The following ASTN2 variants were observed in gnomAD, a reference collection of about 807,000 sequenced individuals.
ASTN2 encodes the protein astrotactin-2.
Under a neutral mutation model 139.8 loss-of-function variants are expected in ASTN2, and 54 were observed. The observed-to-expected ratio is 0.39, with a 90% CI of 0.31 to 0.48. ASTN2 has a LOEUF of 0.48. ASTN2 is among the 20% of genes least tolerant of loss of function. The pLI is 0.95. For synonymous variants in ASTN2, 756 were observed against 719.5 expected (o/e 1.05, Z -0.81); for missense variants, 1,565 against 1,725.1 (o/e 0.91, Z 1.64).
At chr9:117,379,529 C>G (rs1255068380) in intron 1 of ASTN2, among the ~76,000 whole-genome samples, 1 of 152,150 alleles carries the variant, frequency 6.6e-6, no homozygotes, top group Non-Finnish European at 1.5e-5. Context: ...CTTCGAAGGC[C>G]TCCATTAGCA....
At chr9:116,737,967 C>T (rs996133511) in intron 13 of ASTN2, among the ~76,000 whole-genome samples, 2 of 147,322 alleles carry the variant, frequency 1.4e-5, no homozygotes, top group Admixed American at 6.7e-5. Flanking sequence ...CCGAGGCGGG[C>T]GGATCACGAG....
At chr9:116,820,805 G>A (rs1371707081) in intron 11 of ASTN2, 22 bp from the exon 12 acceptor site, 2 of 1,599,804 alleles carry the variant, frequency 1.3e-6, no homozygotes, top group Non-Finnish European at 1.7e-6. Context: ...GAGGGCAACA[G>A]GGTAGTTATG....
rs140623403 is a variant in ASTN2 at position 116,719,919 on chromosome 9, C to T, written c.2806+5852G>A. 1.1e-4 allele frequency among the ~76,000 whole-genome samples: 17 copies of T among 152,202 alleles called. No homozygotes were observed. In the East Asian group the frequency reaches 1.2e-3, roughly 10 times the overall value. ...AGCAAGATGGAACCCGAAAACTGTC[C>T]GCAGGATATTGAATCACTGAGGAAG... is the stretch of plus-strand genomic sequence containing the variant. On this transcript the variant is annotated intron_variant, in intron 16 of 22. Transcript: ENST00000313400.
At chr9:116,740,642 A>G (rs1018309890) in intron 13 of ASTN2, among the ~76,000 whole-genome samples, 3 of 151,540 alleles carry the variant, frequency 2.0e-5, no homozygotes, top group Non-Finnish European at 4.4e-5. Context: ...CCTCCCGAGT[A>G]GCTGGGACTA....
At chr9:116,559,091 C>A (rs1472572216) in intron 19 of ASTN2, among the ~76,000 whole-genome samples, 1 of 152,136 alleles carries the variant, frequency 6.6e-6, no homozygotes, top group Non-Finnish European at 1.5e-5. Context: ...CCTTGCCAGG[C>A]AATGACAAAG....
intron 1 of ASTN2, among the ~76,000 whole-genome samples, chr9:117,329,263 T>TC: frequency 6.7e-6 from 1 of 150,130 alleles, no homozygotes; most frequent in East Asian, 1.9e-4. Context: ...TGAAACAAGA[T>TC]TTTTTTTGAA....
chr9:116,650,950 C>CT (rs34763480), intron 17 of ASTN2, among the ~76,000 whole-genome samples: 6,391 of 150,518 alleles, frequency 0.042, 487 homozygotes, highest in African/African-American at 0.15. Context: ...AAGTCTCACT[C>CT]TGTTACCCAG....
At chr9:116,521,930 T>C (rs11999663) in intron 19 of ASTN2, among the ~76,000 whole-genome samples, 25,475 of 152,030 alleles carry the variant, frequency 0.17, 2,394 homozygotes, top group African/African-American at 0.24. Context: ...CATCACTAAC[T>C]ATCAGAAAAA....
intron 11 of ASTN2, 55 bp downstream of exon 11, chr9:116,863,528 C>T (rs1473404733): frequency 8.2e-6 from 13 of 1,587,504 alleles, no homozygotes; most frequent in Non-Finnish European, 1.0e-5. Context: ...GGGCTTCTAG[C>T]AGGTGGCCTT....
At chr9:117,109,979 A>C (rs1287833376) in intron 4 of ASTN2, among the ~76,000 whole-genome samples, 1 of 151,910 alleles carries the variant, frequency 6.6e-6, no homozygotes, top group Non-Finnish European at 1.5e-5. Context: ...TCAGAATTTT[A>C]TTTTTCAGAA....
chr9:117,009,287 C>T (rs1837445652), intron 6 of ASTN2, among the ~76,000 whole-genome samples: 1 of 152,012 alleles, frequency 6.6e-6, no homozygotes, highest in Non-Finnish European at 1.5e-5. Flanking sequence ...TTCCTTATCC[C>T]ACATATATGT....
At chr9:117,185,877 T>C (rs756803360) in intron 3 of ASTN2, among the ~76,000 whole-genome samples, 1 of 152,190 alleles carries the variant, frequency 6.6e-6, no homozygotes, top group African/African-American at 2.4e-5. Flanking sequence ...GCAGAATCAA[T>C]GAGCCAATTG....
intron 2 of ASTN2, among the ~76,000 whole-genome samples, chr9:117,270,383 T>C (rs191774388): frequency 3.3e-5 from 5 of 152,200 alleles, no homozygotes; most frequent in African/African-American, 1.2e-4. Context: ...ACTCCACTGG[T>C]TGATGTTATG....
chr9:116,608,003 T>C (rs1855304383), intron 19 of ASTN2, among the ~76,000 whole-genome samples: 1 of 152,004 alleles, frequency 6.6e-6, no homozygotes, highest in Non-Finnish European at 1.5e-5. Context: ...TGTCAGCAAC[T>C]GGAAATTAGG....
intron 10 of ASTN2, among the ~76,000 whole-genome samples, chr9:116,932,786 A>T (rs557885102): frequency 2.4e-4 from 37 of 152,170 alleles, no homozygotes; most frequent in African/African-American, 8.9e-4. Flanking sequence ...CGGGTGGATC[A>T]CTTGAGGTAA....
At position 116,502,306 on chromosome 9, in the gene ASTN2, G is replaced by A. The variant is rs76577850; in HGVS notation, c.3356-14806C>T. 3.6e-4 allele frequency among the ~76,000 whole-genome samples: 55 copies of A among 151,282 alleles called. 1 individual carries two copies. Among genetic ancestry groups the A allele is most frequent in the African/African-American group, 1.3e-3 (54 of 41,252 alleles). On this transcript the variant is annotated intron_variant, in intron 19 of 22. Coordinates refer to ENST00000313400, the MANE Select transcript of ASTN2 (RefSeq NM_001365068.1). ...GAGACACACAACACACAGACACAAA[G>A]ACACACACTCACACACAGAGAGAGG...
intron 11 of ASTN2, among the ~76,000 whole-genome samples, chr9:116,856,950 C>T (rs895626376): frequency 3.9e-5 from 6 of 152,206 alleles, no homozygotes; most frequent in Non-Finnish European, 8.8e-5. Flanking sequence ...CCTTCCACTT[C>T]CCTTAGTCCT....
At chr9:117,138,220 G>A (rs186727805) in intron 4 of ASTN2, among the ~76,000 whole-genome samples, 7 of 152,284 alleles carry the variant, frequency 4.6e-5, no homozygotes, top group African/African-American at 1.2e-4. Context: ...GGAGGGTGAC[G>A]TAAGAGATAG....
chr9:116,982,633 A>G (rs1431868307), intron 7 of ASTN2, among the ~76,000 whole-genome samples: 2 of 151,988 alleles, frequency 1.3e-5, no homozygotes, highest in East Asian at 1.9e-4. Context: ...TGGTGCAATC[A>G]TGGCTCACCG....
Sources: gnomAD v4.1 joint callset for allele counts (sites outside exome capture counted in the v4.1 genomes callset) on GRCh38, gnomAD v4.1.1 for gene constraint, MANE v1.5 for transcripts, NCBI Gene and HGNC (gene_info 2026-07-23, HGNC 2026-07-21) for gene names.